The following NF1 variants were observed in gnomAD, a reference collection of about 807,000 sequenced individuals.
NF1 encodes the protein neurofibromin 1.
A neutral mutation model predicts 325.7 loss-of-function variants in NF1; 122 were observed. The ratio of observed to expected loss-of-function variants is 0.37; its 90% CI spans 0.32 to 0.44. The LOEUF (loss-of-function observed/expected upper bound fraction) is 0.44. Ranked by LOEUF, NF1 falls within the 20% of genes least tolerant of loss-of-function variation. The pLI is 1.00. For missense variants in NF1, 2,140 were observed against 3,415.4 expected (o/e 0.63, Z 9.31); for synonymous variants, 1,091 against 1,186.0 (o/e 0.92, Z 1.65).
At chr17:31,170,976 C>G (rs1348654562) in intron 5 of NF1, among the ~76,000 whole-genome samples, 1 of 152,076 alleles carries the variant, frequency 6.6e-6, no homozygotes, top group East Asian at 1.9e-4. Context: ...TGACCTAAAA[C>G]AGATTGAATT....
At chr17:31,220,671 A>G (rs2066906159) in intron 14 of NF1, among the ~76,000 whole-genome samples, 1 of 152,284 alleles carries the variant, frequency 6.6e-6, no homozygotes, top group South Asian at 2.1e-4. Flanking sequence ...AAGTGAGTAT[A>G]CTGCATTTAT....
rs2151544934 is a variant in NF1 at position 31,330,466 on chromosome 17, T to G, written c.5780T>G (p.Leu1927Trp). Residue 1927 changes from leucine to tryptophan, a missense_variant, in exon 39 of 58, where the codon TTG becomes TGG. Leu to Trp is a moderately conservative substitution (Grantham distance 61). This residue lies in a region of NF1 where 180 missense variants were observed against 435.1 expected (regional missense o/e 0.41). Transcript: ENST00000358273. The part of the protein sequence containing the change: ...ANEPHLTLEF[L>W]EECISGFSKS... ...GAGCCACACCTCACGTTAGAATTTTTGGAAGAGTGTATTTCTGGATTTAGC... is the reference window on the plus strand; with the variant it reads ...GAGCCACACCTCACGTTAGAATTTTGGGAAGAGTGTATTTCTGGATTTAGC... The G allele has an allele frequency of 6.2e-7, 1 of 1,613,708 alleles. No individual in the cohort carries two copies. The highest frequency in any genetic ancestry group is 8.5e-7 in the Non-Finnish European group (1 of 1,179,660).
At chr17:31,291,205 C>G (rs967059414) in intron 36 of NF1, among the ~76,000 whole-genome samples, 2 of 152,100 alleles carry the variant, frequency 1.3e-5, no homozygotes, top group African/African-American at 4.8e-5. Flanking sequence ...CCAAAGTCCT[C>G]TGTACCTTAG....
intron 1 of NF1, among the ~76,000 whole-genome samples, chr17:31,126,077 A>G (rs1914860403): frequency 6.6e-6 from 1 of 152,074 alleles, no homozygotes. Flanking sequence ...AGTGCTAGCT[A>G]CTCGGGAGGC....
chr17:31,288,929 C>G (rs946078966), intron 36 of NF1, among the ~76,000 whole-genome samples: 1 of 152,124 alleles, frequency 6.6e-6, no homozygotes, highest in Non-Finnish European at 1.5e-5. Flanking sequence ...GAAGCTGTAA[C>G]TTTGAAATAA....
At chr17:31,158,422 T>C (rs1441494661) in intron 2 of NF1, among the ~76,000 whole-genome samples, 3 of 152,198 alleles carry the variant, frequency 2.0e-5, no homozygotes, top group Non-Finnish European at 4.4e-5. Context: ...GTTTAGTATT[T>C]GCACATATGA....
intron 11 of NF1, among the ~76,000 whole-genome samples, chr17:31,205,760 C>T (rs1362843182): frequency 3.3e-5 from 5 of 152,040 alleles, no homozygotes; most frequent in Middle Eastern, 3.4e-3. Context: ...TGTCTGTAAA[C>T]ATATAAGTAA....
intron 1 of NF1, among the ~76,000 whole-genome samples, chr17:31,115,766 G>A (rs1296207547): frequency 6.6e-6 from 1 of 152,126 alleles, no homozygotes; most frequent in Admixed American, 6.6e-5. Flanking sequence ...ACAAGGTGTC[G>A]CCCATGTCCT....
intron 36 of NF1, chr17:31,303,686 G>C (rs1404952401): frequency 6.6e-6 from 1 of 151,878 alleles, no homozygotes; most frequent in Non-Finnish European, 1.5e-5. Flanking sequence ...TTTTTTTCAG[G>C]GTAAATGTTC....
At chr17:31,349,321 T>A (rs2070082172) in intron 49 of NF1, 70 bp downstream of exon 49, 1 of 1,518,012 alleles carries the variant, frequency 6.6e-7, no homozygotes, top group Non-Finnish European at 9.0e-7. Context: ...AAAGTACAAA[T>A]ACCTATAGGT....
chr17:31,279,667 G>A (rs2068080303), intron 36 of NF1, among the ~76,000 whole-genome samples: 1 of 151,614 alleles, frequency 6.6e-6, no homozygotes, highest in Admixed American at 6.6e-5. Context: ...CCATTGTTAT[G>A]AGAGGCCTAA....
intron 1 of NF1, chr17:31,128,406 C>G (rs144695752): frequency 6.6e-6 from 1 of 151,982 alleles, no homozygotes; most frequent in African/African-American, 2.4e-5. Flanking sequence ...GGCATGGTTG[C>G]TTTGTAGTGT....
rs372428498 is a variant in NF1, at chr17:31,144,414, T to C, written c.61-11569T>C. Among the ~76,000 whole-genome samples, 5 of 152,372 alleles carry C rather than the reference T, an allele frequency of 3.3e-5. No homozygotes were observed. In the East Asian group the frequency reaches 7.7e-4, roughly 23 times the overall value. ...CTTTTTCCCCTGTCTTTTGGTTATC[T>C]ATTGCTGTATAATAAGCTACTCCAA... On this transcript the variant is annotated intron_variant, in intron 1 of 57. Transcript: ENST00000358273.
In NF1 at chr17:31,295,248, C is replaced by T. The variant is rs779223134; in HGVS notation, c.4835+29909C>T. ...GAGCTAGTGAGGCTTGTGTTTGTGA[C>T]CATTCCATCTTGGAGATGAATAGTT... On this transcript the variant is annotated intron_variant, in intron 36 of 57. Coordinates refer to ENST00000358273, the MANE Select transcript of NF1 (RefSeq NM_001042492.3). 8 of 1,613,912 alleles carry T rather than the reference C, an allele frequency of 5.0e-6. No homozygotes were observed. The South Asian group carries it at 8.8e-5, about 18-fold the overall frequency.
At chr17:31,262,466 A>G (rs547350850) in intron 35 of NF1, among the ~76,000 whole-genome samples, 1 of 152,352 alleles carries the variant, frequency 6.6e-6, no homozygotes, top group South Asian at 2.1e-4. Flanking sequence ...TGAATCTTTT[A>G]AAGTACCTTT....
chr17:31,340,861 CAAAA>C (rs1023670000), intron 47 of NF1, among the ~76,000 whole-genome samples: 6 of 119,968 alleles, frequency 5.0e-5, no homozygotes, highest in Non-Finnish European at 1.1e-4. Flanking sequence ...AAAAAAAAAA[CAAAA>C]AAAAAACAGT....
At chr17:31,331,325 A>G (rs576147961) in intron 39 of NF1, 3 of 152,232 alleles carry the variant, frequency 2.0e-5, no homozygotes, top group African/African-American at 7.2e-5. Flanking sequence ...ATGTAAAGGC[A>G]TATTGTGTTC....
chr17:31,198,670 A>G (rs2066475728), intron 8 of NF1, among the ~76,000 whole-genome samples: 1 of 151,922 alleles, frequency 6.6e-6, no homozygotes, highest in African/African-American at 2.4e-5. Context: ...GCTGGAGTGC[A>G]GTGACAAGAT....
chr17:31,255,642 C>T (rs1422665038), intron 31 of NF1, among the ~76,000 whole-genome samples: 4 of 152,070 alleles, frequency 2.6e-5, no homozygotes, highest in African/African-American at 4.8e-5. Flanking sequence ...AAGTGTAGTA[C>T]TTTTCATAAA....
Sources: allele counts gnomAD v4.1 joint callset (sites outside exome capture counted in the v4.1 genomes callset), GRCh38; gene constraint gnomAD v4.1.1; regional missense constraint gnomAD v4.1.1; transcripts MANE v1.5; gene names NCBI Gene and HGNC (gene_info 2026-07-23, HGNC 2026-07-21).